Variants in AGBL4 observed in about 807,000 individuals in gnomAD.
AGBL4 encodes AGBL carboxypeptidase 4.
In AGBL4, 58 loss-of-function variants were observed where a neutral mutation model predicts 66.4. That is an observed-to-expected ratio of 0.87 (90% CI 0.71 to 1.09). The LOEUF (loss-of-function observed/expected upper bound fraction) is 1.09, where lower values mean the gene tolerates loss of function less well. Among genes scored for constraint, AGBL4 ranks in the 50% least tolerant of loss-of-function variants. The probability of loss-of-function intolerance (pLI) is 0.00; values close to 1 mark genes in which losing one functional copy is unlikely to be tolerated. For missense variants in AGBL4, 579 were observed against 631.0 expected (o/e 0.92, Z 0.88); for synonymous variants, 234 against 222.9 (o/e 1.05, Z -0.44).
intron 5 of AGBL4, among the ~76,000 whole-genome samples, chr1:48,944,900 A>T (rs1350736487): frequency 6.6e-6 from 1 of 152,202 alleles, no homozygotes; most frequent in Non-Finnish European, 1.5e-5. Context: ...TACAGAATCT[A>T]ACTCCACCAT....
intron 6 of AGBL4, among the ~76,000 whole-genome samples, chr1:48,775,064 C>G (rs1252960839): frequency 2.6e-5 from 4 of 152,166 alleles, no homozygotes; most frequent in Admixed American, 2.6e-4. Context: ...AATCCTTTCC[C>G]TCAGGTAATT....
At chr1:49,225,396 A>G (rs1029651490) in intron 4 of AGBL4, among the ~76,000 whole-genome samples, 6 of 152,210 alleles carry the variant, frequency 3.9e-5, no homozygotes, top group Non-Finnish European at 7.3e-5. Flanking sequence ...AAGGGCCACA[A>G]CTGCAAAGAT....
At chr1:49,349,562 T>C (rs1645706752) in intron 3 of AGBL4, among the ~76,000 whole-genome samples, 1 of 152,200 alleles carries the variant, frequency 6.6e-6, no homozygotes, top group African/African-American at 2.4e-5. Flanking sequence ...ATGCTCCTTA[T>C]ATATATTTGT....
At chr1:49,596,006 C>G (rs1644846308) in intron 3 of AGBL4, among the ~76,000 whole-genome samples, 1 of 152,136 alleles carries the variant, frequency 6.6e-6, no homozygotes, top group Non-Finnish European at 1.5e-5. Context: ...GACTGCCACT[C>G]TAGCTTGTAC....
intron 4 of AGBL4, among the ~76,000 whole-genome samples, chr1:49,102,786 T>C (rs1372181303): frequency 6.6e-6 from 1 of 152,174 alleles, no homozygotes; most frequent in Non-Finnish European, 1.5e-5. Context: ...ATATATAGCA[T>C]ATACATTTGC....
chr1:48,816,534 A>G (rs555227626), intron 6 of AGBL4, among the ~76,000 whole-genome samples: 1 of 152,348 alleles, frequency 6.6e-6, no homozygotes, highest in South Asian at 2.1e-4. Context: ...TACAAAGGCA[A>G]GAAACTTATC....
intron 2 of AGBL4, among the ~76,000 whole-genome samples, chr1:49,838,905 T>C (rs2148034874): frequency 6.6e-6 from 1 of 152,330 alleles, no homozygotes; most frequent in East Asian, 1.9e-4. Context: ...ATTATTTTAC[T>C]ACTAAAGCAT....
intron 6 of AGBL4, among the ~76,000 whole-genome samples, chr1:48,822,401 T>C (rs1646335972): frequency 6.6e-6 from 1 of 152,196 alleles, no homozygotes; most frequent in South Asian, 2.1e-4. Flanking sequence ...AAAAATAATA[T>C]ATTGAGGAAG....
intron 1 of AGBL4, among the ~76,000 whole-genome samples, chr1:49,861,274 G>A (rs1255624402): frequency 6.6e-6 from 1 of 152,162 alleles, no homozygotes; most frequent in Non-Finnish European, 1.5e-5. Context: ...AGGGGCACGT[G>A]AGATACTGAG....
At chr1:48,823,727 T>G (rs546609009) in intron 6 of AGBL4, among the ~76,000 whole-genome samples, 7 of 152,322 alleles carry the variant, frequency 4.6e-5, no homozygotes, top group African/African-American at 1.7e-4. Flanking sequence ...ATAAATCTGA[T>G]TCTCCTGTTT....
intron 5 of AGBL4, among the ~76,000 whole-genome samples, chr1:48,965,771 T>C (rs1008706999): frequency 1.3e-5 from 2 of 152,192 alleles, no homozygotes; most frequent in African/African-American, 4.8e-5. Context: ...ATTTGCCTGC[T>C]ATACCCACAA....
chr1:48,952,910 T>C (rs1191831234), intron 5 of AGBL4, among the ~76,000 whole-genome samples: 1 of 152,198 alleles, frequency 6.6e-6, no homozygotes, highest in Non-Finnish European at 1.5e-5. Flanking sequence ...GTGCATTTTA[T>C]GTGTGGCCCA....
intron 3 of AGBL4, among the ~76,000 whole-genome samples, chr1:49,386,791 C>G (rs1274295474): frequency 1.3e-5 from 2 of 151,966 alleles, no homozygotes; most frequent in South Asian, 2.1e-4. Context: ...GACTTTAAAA[C>G]TGTATAAGGA....
At chr1:49,842,981 C>A (rs956934703) in intron 2 of AGBL4, among the ~76,000 whole-genome samples, 17 of 151,952 alleles carry the variant, frequency 1.1e-4, no homozygotes, top group Admixed American at 6.6e-5. Context: ...CAGGCTGGGC[C>A]CTGACATGTG....
intron 3 of AGBL4, among the ~76,000 whole-genome samples, chr1:49,371,936 T>C (rs1250177465): frequency 1.3e-5 from 2 of 151,914 alleles, no homozygotes; most frequent in East Asian, 3.9e-4. Flanking sequence ...CAATACCAAA[T>C]GTTCCTTACA....
chr1:49,004,400 G>T (rs1416597039), intron 5 of AGBL4, among the ~76,000 whole-genome samples: 1 of 152,198 alleles, frequency 6.6e-6, no homozygotes, highest in Non-Finnish European at 1.5e-5. Flanking sequence ...GAGAGCACCA[G>T]CCTGAATGGG....
intron 3 of AGBL4, among the ~76,000 whole-genome samples, chr1:49,263,290 A>C (rs1653402783): frequency 1.3e-5 from 2 of 152,098 alleles, no homozygotes; most frequent in African/African-American, 4.8e-5. Flanking sequence ...ATGTACCCTA[A>C]AACTTAAAGT....
chr1:48,621,937 A>C (rs1645420275), intron 9 of AGBL4, among the ~76,000 whole-genome samples: 1 of 152,140 alleles, frequency 6.6e-6, no homozygotes, highest in Non-Finnish European at 1.5e-5. Context: ...TACAACCCAG[A>C]AACTCATAGT....
intron 1 of AGBL4, among the ~76,000 whole-genome samples, chr1:49,886,182 T>G: frequency 6.6e-6 from 1 of 152,202 alleles, no homozygotes; most frequent in East Asian, 1.9e-4. Context: ...AACCAGTCAC[T>G]TAAACACTAA....
Sources: gnomAD v4.1 joint callset for allele counts (sites outside exome capture counted in the v4.1 genomes callset) on GRCh38, gnomAD v4.1.1 for gene constraint, MANE v1.5 for transcripts, NCBI Gene and HGNC (gene_info 2026-07-23, HGNC 2026-07-21) for gene names.